ADAMTSL3: variants seen among roughly 807,000 people sequenced by gnomAD.
ADAMTSL3 encodes ADAMTS-like protein 3.
Under a neutral mutation model 201.7 loss-of-function variants are expected in ADAMTSL3, and 128 were observed. The observed-to-expected ratio is 0.63, with a 90% confidence interval of 0.55 to 0.73. The LOEUF is 0.73. Ranked by LOEUF, ADAMTSL3 falls within the 30% of genes least tolerant of loss-of-function variation. The probability of loss-of-function intolerance (pLI) is 0.00; values close to 1 mark genes in which losing one functional copy is unlikely to be tolerated. For synonymous variants in ADAMTSL3, 738 were observed against 748.4 expected, an observed-to-expected ratio of 0.99 and a Z score of 0.23; for missense variants, 1,990 against 2,119.6, an observed-to-expected ratio of 0.94 and a Z score of 1.20.
intron 7 of ADAMTSL3, among the ~76,000 whole-genome samples, chr15:83,851,196 G>A (rs746973857): frequency 4.6e-5 from 7 of 152,130 alleles, no homozygotes; most frequent in Non-Finnish European, 8.8e-5. Context: ...TTTAGTGGAG[G>A]GTTACAGAAA....
intron 19 of ADAMTSL3, among the ~76,000 whole-genome samples, chr15:83,954,688 C>T (rs879920972): frequency 3.3e-5 from 5 of 152,168 alleles, no homozygotes; most frequent in African/African-American, 9.7e-5. Flanking sequence ...GGGACTTGGG[C>T]CCCAAGCCCA....
intron 3 of ADAMTSL3, among the ~76,000 whole-genome samples, chr15:83,730,304 G>A (rs895720666): frequency 6.6e-6 from 1 of 152,128 alleles, no homozygotes; most frequent in African/African-American, 2.4e-5. Context: ...GGTGCTAGTG[G>A]ATGAGGCCAG....
chr15:83,752,122 A>G (rs1420516909), intron 3 of ADAMTSL3, among the ~76,000 whole-genome samples: 3 of 152,218 alleles, frequency 2.0e-5, no homozygotes, highest in Non-Finnish European at 4.4e-5. Flanking sequence ...GAGAATGAAG[A>G]GCAAAATTGG....
intron 23 of ADAMTSL3, among the ~76,000 whole-genome samples, chr15:84,001,848 CA>C (rs1567294206): frequency 6.6e-6 from 1 of 152,204 alleles, no homozygotes; most frequent in East Asian, 1.9e-4. Context: ...TGTGCTCAAC[CA>C]GGCACATGAC....
chr15:83,736,287 G>A (rs1185429093), intron 3 of ADAMTSL3, among the ~76,000 whole-genome samples: 1 of 152,144 alleles, frequency 6.6e-6, no homozygotes, highest in Non-Finnish European at 1.5e-5. Context: ...CCATGTCAAA[G>A]AAAATAAAAT....
chr15:83,892,873 C>T lies in ADAMTSL3; in HGVS notation c.1452C>T (p.Ala484=). 6.2e-7 allele frequency: 1 copy of T among 1,614,004 alleles called. No individual in the cohort carries two copies. The highest frequency in any genetic ancestry group is 2.2e-5 in the East Asian group (1 of 44,844). ...CNLFDCPKWI[A]MEWSQCTVTC... ...TGTTTGATTGCCCCAAGTGGATTGC[C>T]ATGGAGTGGTCTCAGGTAAGATTTG... The change falls in exon 13 of 30, where the codon GCC becomes GCT. Residue 484 remains alanine, a synonymous_variant. Coordinates refer to ENST00000286744, the MANE Select transcript of ADAMTSL3 (RefSeq NM_207517.3).
At chr15:83,767,869 TA>T (rs2062918428) in intron 3 of ADAMTSL3, among the ~76,000 whole-genome samples, 1 of 152,240 alleles carries the variant, frequency 6.6e-6, no homozygotes, top group Non-Finnish European at 1.5e-5. Context: ...CTTACTAGTT[TA>T]AAAAGCAGAA....
chr15:83,733,625 A>G (rs550104256), intron 3 of ADAMTSL3, among the ~76,000 whole-genome samples: 54 of 152,274 alleles, frequency 3.5e-4, no homozygotes, highest in Non-Finnish European at 6.9e-4. Context: ...ATTTTAGTGC[A>G]AATCTTTCAA....
intron 4 of ADAMTSL3, among the ~76,000 whole-genome samples, chr15:83,778,913 A>T (rs2063122174): frequency 6.6e-6 from 1 of 152,228 alleles, no homozygotes; most frequent in African/African-American, 2.4e-5. Flanking sequence ...AAATAAAGGG[A>T]TGGAGAAAAA....
intron 3 of ADAMTSL3, among the ~76,000 whole-genome samples, chr15:83,707,902 C>T (rs1315204519): frequency 1.3e-5 from 2 of 152,148 alleles, no homozygotes; most frequent in Non-Finnish European, 2.9e-5. Context: ...ACAGAAATTC[C>T]CAGGTTGTCC....
At chr15:83,884,524 C>T in intron 9 of ADAMTSL3, among the ~76,000 whole-genome samples, 1 of 151,804 alleles carries the variant, frequency 6.6e-6, no homozygotes, top group Non-Finnish European at 1.5e-5. Context: ...ATCTACCTGC[C>T]TTGACCTCCC....
chr15:83,658,857 G>A (rs533551330), intron 2 of ADAMTSL3, among the ~76,000 whole-genome samples: 1 of 152,160 alleles, frequency 6.6e-6, no homozygotes, highest in South Asian at 2.1e-4. Context: ...GAATTACAAC[G>A]TGCCCCCCCT....
At chr15:83,952,446 TTC>T (rs2066775216) in intron 19 of ADAMTSL3, among the ~76,000 whole-genome samples, 1 of 152,190 alleles carries the variant, frequency 6.6e-6, no homozygotes, top group Admixed American at 6.6e-5. Flanking sequence ...GAATGGAATG[TTC>T]TGTATCTATT....
At chr15:83,676,908 G>A (rs2730086) in intron 2 of ADAMTSL3, among the ~76,000 whole-genome samples, 30,819 of 152,180 alleles carry the variant, frequency 0.2, 4,096 homozygotes, top group Admixed American at 0.34. Context: ...CCATGATCTT[G>A]GACCTCCCAC....
intron 23 of ADAMTSL3, among the ~76,000 whole-genome samples, chr15:84,000,482 CT>C (rs2067773021): frequency 6.6e-6 from 1 of 152,152 alleles, no homozygotes; most frequent in South Asian, 2.1e-4. Flanking sequence ...TTCCATCCAT[CT>C]TTTCTTCCCT....
intron 23 of ADAMTSL3, among the ~76,000 whole-genome samples, chr15:83,995,293 C>G (rs546665863): frequency 6.6e-6 from 1 of 152,164 alleles, no homozygotes; most frequent in Non-Finnish European, 1.5e-5. Flanking sequence ...AATTTAGGAT[C>G]ATCTTAATAG....
At chr15:83,994,029 G>A (rs372612361) in intron 23 of ADAMTSL3, among the ~76,000 whole-genome samples, 1 of 152,170 alleles carries the variant, frequency 6.6e-6, no homozygotes, top group Admixed American at 6.5e-5. Context: ...TGTGTGTCAC[G>A]CTCCTCTTTA....
intron 1 of ADAMTSL3, among the ~76,000 whole-genome samples, chr15:83,655,081 C>G (rs2061059900): frequency 6.6e-6 from 1 of 152,188 alleles, no homozygotes; most frequent in African/African-American, 2.4e-5. Context: ...CCGCTTCCCT[C>G]CTGGTTTCAG....
intron 3 of ADAMTSL3, among the ~76,000 whole-genome samples, chr15:83,760,418 T>C (rs1567126411): frequency 1.3e-5 from 2 of 152,178 alleles, no homozygotes; most frequent in Non-Finnish European, 2.9e-5. Context: ...GCTCAGATCA[T>C]GATAAATGTT....
Sources: allele counts gnomAD v4.1 joint callset (sites outside exome capture counted in the v4.1 genomes callset), GRCh38; gene constraint gnomAD v4.1.1; transcripts MANE v1.5; gene names NCBI Gene and HGNC (gene_info 2026-07-23, HGNC 2026-07-21).